Variants in TLCD3A observed in about 807,000 individuals in gnomAD.
TLCD3A encodes TLC domain-containing protein 3A.
Under a neutral mutation model 29.9 loss-of-function variants are expected in TLCD3A, and 17 were observed. The ratio of observed to expected loss-of-function variants is 0.57; its 90% CI spans 0.39 to 0.85. The LOEUF is 0.85. Ranked by LOEUF, TLCD3A falls within the 40% of genes least tolerant of loss-of-function variation. TLCD3A has a pLI of 0.00. For synonymous variants in TLCD3A, 143 were observed against 147.7 expected, an observed-to-expected ratio of 0.97 and a Z score of 0.23; for missense variants, 332 against 350.8, an observed-to-expected ratio of 0.95 and a Z score of 0.43.
At position 736,749 on chromosome 17, in the gene TLCD3A, A is replaced by C. The variant is rs540839118; in HGVS notation, c.207-1097A>C. Among the ~76,000 whole-genome samples, 6 of 148,058 alleles carry C rather than the reference A, an allele frequency of 4.1e-5. No individual in the cohort carries two copies. The East Asian group carries it at 1.2e-3, about 30-fold the overall frequency. The stretch of plus-strand genomic sequence containing the variant: ...CGGCTCACTGCAACCTCTGCCTCCC[A>C]GATTCAATCGATTCTCCTGCCTCAG... On this transcript the variant is annotated intron_variant, in intron 2 of 4. Transcript: ENST00000308278.
At chr17:732,899 G>T in intron 1 of TLCD3A, 130 bp downstream of exon 1, 2 of 1,372,282 alleles carry the variant, frequency 1.5e-6, no homozygotes, top group Non-Finnish European at 1.9e-6. Flanking sequence ...CGTCCCGGCG[G>T]CCCGAGTTTC....
At chr17:739,146 T>TCA (rs1251423903) in intron 3 of TLCD3A, among the ~76,000 whole-genome samples, 1 of 151,246 alleles carries the variant, frequency 6.6e-6, no homozygotes, top group Non-Finnish European at 1.5e-5. Flanking sequence ...TCCTCACTCT[T>TCA]GAGTGCCTGG....
Position 737,903 on chromosome 17 carries a change from G to A in TLCD3A, c.264G>A (p.Ser88=), listed in dbSNP as rs368849025. The part of the protein sequence containing the change: ...WFLIPYMIYD[S]YAMYLCEWCR... ...TGATTCCATACATGATCTATGACTCGTACGCCATGTACCTCTGTGAATGGT... is the reference window on the plus strand; with the variant it reads ...TGATTCCATACATGATCTATGACTCATACGCCATGTACCTCTGTGAATGGT... The change falls in exon 3 of 5, where the codon TCG becomes TCA. Residue 88 remains serine, a synonymous_variant. Coordinates refer to ENST00000308278, the MANE Select transcript of TLCD3A (RefSeq NM_024792.3). The A allele has an allele frequency of 5.0e-6, 8 of 1,613,820 alleles. No homozygotes were observed. The highest frequency in any genetic ancestry group is 4.4e-5 in the South Asian group (4 of 91,072).
chr17:739,941 G>A (rs1032401389), intron 3 of TLCD3A, among the ~76,000 whole-genome samples: 1 of 152,132 alleles, frequency 6.6e-6, no homozygotes, highest in Non-Finnish European at 1.5e-5. Flanking sequence ...AGGTACTCAG[G>A]AGCCTGAGGC....
In TLCD3A at chr17:733,111, G is replaced by A. The variant is rs765420396; in HGVS notation, c.136G>A (p.Val46Met). Residue 46 changes from valine (V) to methionine (M), a missense_variant, in exon 2 of 5, where the codon GTG becomes ATG. Transcript: ENST00000308278. ...VMISTRLVSS[V>M]HAVLATGSGI... is the part of the protein sequence containing the mutation. ...CGCCCGCGCTAGGCTGGTTTCCTCG[G>A]TGCACGCCGTGCTGGCCACCGGCTC... 3.0e-5 allele frequency: 47 copies of A among 1,590,944 alleles called. No homozygotes were observed. In the Middle Eastern group the frequency reaches 9.9e-4, roughly 34 times the overall value.
rs1567770501 is a variant in TLCD3A at position 737,996 on chromosome 17, C to T, written c.357C>T (p.Leu119=). 1 of 1,613,252 alleles carries T rather than the reference C, an allele frequency of 6.2e-7. No homozygotes were observed. The highest frequency in any genetic ancestry group is 1.3e-5 in the African/African-American group (1 of 74,822). The change falls in exon 3 of 5, where the codon CTC becomes CTT. Residue 119 remains leucine, a synonymous_variant. Coordinates refer to ENST00000308278, the MANE Select transcript of TLCD3A (RefSeq NM_024792.3). ...GAAACTTCCTAAGTCGAAACCGCCT[C>T]ATGATCACACATCATGCGGTCATTC... ...TLRNFLSRNR[L]MITHHAVILF...
Position 733,147 on chromosome 17 carries a change from A to G in TLCD3A, c.172A>G (p.Ile58Val). The G allele has an allele frequency of 1.3e-6, 2 of 1,582,358 alleles. No individual in the cohort carries two copies. The highest frequency in any genetic ancestry group is 8.6e-7 in the Non-Finnish European group (1 of 1,166,416). Residue 58 changes from isoleucine (I) to valine (V), a missense_variant, in exon 2 of 5, where the codon ATC becomes GTC. By Grantham distance (29) the Ile-to-Val change is conservative (BLOSUM62 3). Transcript: ENST00000308278. ...AVLATGSGIV[I>V]IRSCDDVITG... is the part of the protein sequence containing the mutation. ...GCTGGCCACCGGCTCGGGGATCGTC[A>G]TCATTCGCTCCTGCGACGACGTGAT...
intron 3 of TLCD3A, among the ~76,000 whole-genome samples, chr17:738,775 C>T (rs1307275579): frequency 6.6e-6 from 1 of 151,946 alleles, no homozygotes; most frequent in African/African-American, 2.4e-5. Flanking sequence ...CCATGTTGCC[C>T]AGGCTGGTCT....
chr17:737,976 T>A lies in TLCD3A; in HGVS notation c.337T>A (p.Phe113Ile). ...TGCGCCCTCCCTCACTCTTCGAAAC[T>A]TCCTAAGTCGAAACCGCCTCATGAT... ...NRAPSLTLRN[F>I]LSRNRLMITH... Residue 113 changes from phenylalanine (F) to isoleucine (I), a missense_variant, in exon 3 of 5, where the codon TTC becomes ATC. Phe to Ile is a conservative substitution (Grantham distance 21). Coordinates refer to ENST00000308278, the MANE Select transcript of TLCD3A (RefSeq NM_024792.3). 6.2e-7 allele frequency: 1 copy of A among 1,614,016 alleles called. No homozygotes were observed. Among genetic ancestry groups the A allele is most frequent in the Non-Finnish European group, 8.5e-7 (1 of 1,180,018 alleles).
chr17:735,955 C>A, intron 2 of TLCD3A, among the ~76,000 whole-genome samples: 1 of 122,048 alleles, frequency 8.2e-6, no homozygotes, highest in Admixed American at 1.1e-4. Flanking sequence ...GCCTGGGCGA[C>A]AGAGCAAGAT....
At chr17:737,601 C>T (rs922300735) in intron 2 of TLCD3A, among the ~76,000 whole-genome samples, 3 of 152,088 alleles carry the variant, frequency 2.0e-5, no homozygotes, top group Admixed American at 6.6e-5. Context: ...CTAAGTCAGG[C>T]AAGTAGTGAC....
At position 733,193 on chromosome 17, in the gene TLCD3A, G is replaced by A. The variant is rs1974103664; in HGVS notation, c.206+12G>A. On this transcript the variant is annotated intron_variant, in intron 2 of 4. Transcript: ENST00000308278. The stretch of plus-strand genomic sequence containing the variant: ...GTGATCACCGGCAGGTAAGAGCCCG[G>A]GCCGGGGCCTTGTTGCAAATGTCAC... The A allele has an allele frequency of 1.3e-6, 2 of 1,534,680 alleles. No individual in the cohort carries two copies. Among genetic ancestry groups the A allele is most frequent in the Non-Finnish European group, 1.8e-6 (2 of 1,140,322 alleles).
rs1183324802 is a variant in TLCD3A at position 741,569 on chromosome 17, A to G, written c.773A>G (p.Ter258=). ...FDTPQAKKDG[*] is the part of the protein sequence containing the mutation. ...ACTCCCCAAGCCAAAAAGGATGGCT[A>G]AATGCTCCTGGGAGTCAGGCGCAGC... is the stretch of plus-strand genomic sequence containing the variant. The change falls in exon 5 of 5, where the codon TAA becomes TGA. Residue 258 remains the stop codon, a stop_retained_variant. Transcript: ENST00000308278. The G allele has an allele frequency of 1.2e-6, 2 of 1,612,132 alleles. No individual in the cohort carries two copies. Among genetic ancestry groups the G allele is most frequent in the Non-Finnish European group, 8.5e-7 (1 of 1,179,974 alleles).
At chr17:734,410 A>C (rs1477325582) in intron 2 of TLCD3A, among the ~76,000 whole-genome samples, 1 of 151,846 alleles carries the variant, frequency 6.6e-6, no homozygotes, top group Non-Finnish European at 1.5e-5. Context: ...TCCAGGGTTC[A>C]AGCCACCCGT....
intron 3 of TLCD3A, among the ~76,000 whole-genome samples, chr17:738,270 A>G (rs1974196326): frequency 6.6e-6 from 1 of 151,620 alleles, no homozygotes; most frequent in South Asian, 2.1e-4. Flanking sequence ...TAATGTTTGT[A>G]TTTTTAGTAG....
chr17:732,799 G>T (rs1293672696), intron 1 of TLCD3A, 30 bp downstream of exon 1: 1 of 1,433,336 alleles, frequency 7.0e-7, no homozygotes, highest in Non-Finnish European at 9.1e-7. Context: ...GCCCCCCGAG[G>T]CCCGGGGCGC....
chr17:733,504 C>G (rs1455071106), intron 2 of TLCD3A, among the ~76,000 whole-genome samples: 1 of 152,216 alleles, frequency 6.6e-6, no homozygotes, highest in Non-Finnish European at 1.5e-5. Context: ...GGTTCTCACT[C>G]TGGAGCATCA....
intron 3 of TLCD3A, among the ~76,000 whole-genome samples, chr17:738,397 G>A (rs888388325): frequency 5.3e-5 from 8 of 149,800 alleles, no homozygotes; most frequent in East Asian, 2.0e-4. Flanking sequence ...CGCCCGGCCT[G>A]AGCTGGATGT....
chr17:738,745 G>A (rs1318631154), intron 3 of TLCD3A, among the ~76,000 whole-genome samples: 1 of 151,562 alleles, frequency 6.6e-6, no homozygotes, highest in Non-Finnish European at 1.5e-5. Flanking sequence ...GCTAATTCCT[G>A]TAATTTTTGT....
Sources: allele counts gnomAD v4.1 joint callset (sites outside exome capture counted in the v4.1 genomes callset), GRCh38; gene constraint gnomAD v4.1.1; transcripts MANE v1.5; gene names NCBI Gene and HGNC (gene_info 2026-07-23, HGNC 2026-07-21).